The following TBC1D14 variants were observed in gnomAD, a reference collection of about 807,000 sequenced individuals.
TBC1D14 encodes TBC1 domain family member 14, also known as TBC1 domain family, member 14.
TBC1D14 carries 26 observed loss-of-function variants against 79.0 expected under a neutral mutation model. That is an observed-to-expected ratio of 0.33 (90% CI 0.24 to 0.46). TBC1D14 has a LOEUF of 0.46. Among genes scored for constraint, TBC1D14 ranks in the 20% least tolerant of loss-of-function variants. The pLI is 1.00. For synonymous variants in TBC1D14, 394 were observed against 349.9 expected, an observed-to-expected ratio of 1.13 and a Z score of -1.40; for missense variants, 769 against 887.6, an observed-to-expected ratio of 0.87 and a Z score of 1.70.
chr4:7,014,450 G>A lies in TBC1D14; in HGVS notation c.1650G>A (p.Met550Ile). 6.2e-7 allele frequency: 1 copy of A among 1,609,320 alleles called. No homozygotes were observed. Among genetic ancestry groups the A allele is most frequent in the Non-Finnish European group, 8.5e-7 (1 of 1,175,986 alleles). Reference sequence around the variant, plus strand: ...TAAATTTCATATTATCTCCCTAGATGTTGACTTATTTTGCTGCATTTGAAG... The same window carrying A: ...TAAATTTCATATTATCTCCCTAGATATTGACTTATTTTGCTGCATTTGAAG... ...MAFFRVDHGLMLTYFAAFEVF... is the reference protein window; with the variant it reads ...MAFFRVDHGLILTYFAAFEVF... The change falls in exon 12 of 14, where the codon ATG becomes ATA. Residue 550 changes from methionine to isoleucine, a missense_variant and splice_region_variant. Physicochemically the swap from Met to Ile is conservative, Grantham distance 10. This residue lies in a region of TBC1D14 where 367 missense variants were observed against 494.4 expected (regional missense o/e 0.74). Transcript: ENST00000409757.
intron 3 of TBC1D14, among the ~76,000 whole-genome samples, chr4:6,977,927 G>GCAA (rs1319922795): frequency 2.0e-5 from 3 of 150,362 alleles, no homozygotes; most frequent in Admixed American, 6.6e-5. Context: ...TCTCTGCCCG[G>GCAA]CCGCCCCGTC....
At chr4:6,967,535 T>C in intron 3 of TBC1D14, 111 bp downstream of exon 3, 4 of 1,366,238 alleles carry the variant, frequency 2.9e-6, no homozygotes, top group Non-Finnish European at 4.0e-6. Context: ...CGCTTTGTAT[T>C]ATCTGCATAC....
intron 2 of TBC1D14, among the ~76,000 whole-genome samples, chr4:6,967,000 G>A (rs559034488): frequency 1.4e-4 from 21 of 152,134 alleles, no homozygotes; most frequent in African/African-American, 4.3e-4. Context: ...TAGTAGAGAC[G>A]GGGTTTCACC....
rs112863840 is a variant in TBC1D14, at chr4:6,950,078, A to G, written c.723-17226A>G. Among the ~76,000 whole-genome samples the G allele has an allele frequency of 1.3e-3, 201 of 151,860 alleles. 2 individuals carry two copies. The highest frequency in any genetic ancestry group is 4.6e-3 in the African/African-American group (191 of 41,412). On this transcript the variant is annotated intron_variant, in intron 2 of 13. Transcript: ENST00000409757. ...CCTCTCCCCGTGCTCCCCACCTCCAACAGGCCCTGTTGTGTGATGTTCGCT... is the reference window on the plus strand; with the variant it reads ...CCTCTCCCCGTGCTCCCCACCTCCAGCAGGCCCTGTTGTGTGATGTTCGCT...
rs11941016 is a variant in TBC1D14 at position 6,939,854 on chromosome 4, G to C, written c.722+15743G>C. On this transcript the variant is annotated intron_variant, in intron 2 of 13. Coordinates refer to ENST00000409757, the MANE Select transcript of TBC1D14 (RefSeq NM_020773.3). The stretch of plus-strand genomic sequence containing the variant: ...GGGAAAGCAGCATTTGAGCAAAGAT[G>C]TGAGTGGTGTGCGGGTGAAGCGTGT... Among the ~76,000 whole-genome samples the C allele has an allele frequency of 6.2e-3, 937 of 152,318 alleles. 8 individuals are homozygous for C. The highest frequency in any genetic ancestry group is 0.016 in the African/African-American group (652 of 41,562).
chr4:7,024,717 G>C (rs976157660), intron 12 of TBC1D14, among the ~76,000 whole-genome samples: 7 of 152,234 alleles, frequency 4.6e-5, no homozygotes, highest in African/African-American at 1.2e-4. Flanking sequence ...TGCCCCCACA[G>C]CGTGAGCACA....
intron 3 of TBC1D14, among the ~76,000 whole-genome samples, chr4:6,982,332 G>A (rs1440739381): frequency 2.0e-5 from 3 of 152,158 alleles, no homozygotes; most frequent in African/African-American, 4.8e-5. Context: ...TTATCTGAAG[G>A]TAAAAGTCAG....
intron 3 of TBC1D14, among the ~76,000 whole-genome samples, chr4:6,989,684 C>T (rs1276307288): frequency 6.6e-6 from 1 of 152,180 alleles, no homozygotes; most frequent in Non-Finnish European, 1.5e-5. Flanking sequence ...CCGCGTGGTC[C>T]CTTCACAAAT....
intron 3 of TBC1D14, among the ~76,000 whole-genome samples, chr4:6,987,765 C>T (rs1366862229): frequency 1.3e-5 from 2 of 152,194 alleles, no homozygotes; most frequent in African/African-American, 4.8e-5. Flanking sequence ...AGACTGCGCT[C>T]CGAGCTCTAG....
chr4:6,969,704 C>A (rs1371776565), intron 3 of TBC1D14, among the ~76,000 whole-genome samples: 3 of 151,986 alleles, frequency 2.0e-5, no homozygotes, highest in African/African-American at 7.2e-5. Context: ...CATGCCCGGC[C>A]CGACCCTGTT....
intron 5 of TBC1D14, 118 bp downstream of exon 5, chr4:6,996,525 A>G: frequency 1.4e-6 from 1 of 729,028 alleles, no homozygotes; most frequent in South Asian, 1.8e-5. Context: ...TGAAATTTGT[A>G]GTCTTCCAGT....
At chr4:6,926,034 C>G (rs1193312744) in intron 2 of TBC1D14, among the ~76,000 whole-genome samples, 2 of 152,210 alleles carry the variant, frequency 1.3e-5, no homozygotes, top group African/African-American at 4.8e-5. Flanking sequence ...ATGTCCAGCT[C>G]TGTGCCCTTG....
intron 2 of TBC1D14, among the ~76,000 whole-genome samples, chr4:6,930,004 T>C (rs1409386467): frequency 6.6e-6 from 1 of 152,244 alleles, no homozygotes; most frequent in Admixed American, 6.5e-5. Flanking sequence ...CCCTGTCTCT[T>C]GTAACATGTG....
At position 7,001,832 on chromosome 4, in the gene TBC1D14, G is replaced by A. The variant is rs114060540; in HGVS notation, c.1270+581G>A. On this transcript the variant is annotated intron_variant, in intron 7 of 13. Transcript: ENST00000409757. ...AGGTGTCCTGAGCACTCTGAAGCGC[G>A]TCCAGAGTGAAATAGGTGCCAGGAG... Among the ~76,000 whole-genome samples, 666 of 152,234 alleles carry A rather than the reference G, an allele frequency of 4.4e-3. 7 individuals are homozygous for A. The highest frequency in any genetic ancestry group is 0.015 in the African/African-American group (611 of 41,524).
At chr4:7,030,236 T>C (rs1262869308) in intron 13 of TBC1D14, 91 bp from the exon 14 acceptor site, 2 of 1,257,460 alleles carry the variant, frequency 1.6e-6, no homozygotes, top group South Asian at 1.2e-5. Context: ...CGGGGGACCC[T>C]GTTAGGAGGC....
intron 3 of TBC1D14, among the ~76,000 whole-genome samples, chr4:6,981,352 G>A (rs1302582200): frequency 6.6e-6 from 1 of 152,040 alleles, no homozygotes; most frequent in Non-Finnish European, 1.5e-5. Flanking sequence ...AGATGAAACC[G>A]TCCATTTCCT....
intron 3 of TBC1D14, among the ~76,000 whole-genome samples, chr4:6,970,393 C>T (rs1036295740): frequency 1.3e-5 from 2 of 152,236 alleles, no homozygotes; most frequent in African/African-American, 4.8e-5. Context: ...GAGGATTAAA[C>T]GGGTGAATAC....
At chr4:6,930,812 A>T (rs1045939646) in intron 2 of TBC1D14, among the ~76,000 whole-genome samples, 1 of 143,258 alleles carries the variant, frequency 7.0e-6, no homozygotes, top group Non-Finnish European at 1.5e-5. Flanking sequence ...AAAAAAAAAA[A>T]CCTGTGAGGG....
intron 2 of TBC1D14, among the ~76,000 whole-genome samples, chr4:6,954,942 C>T (rs544763971): frequency 2.0e-5 from 3 of 152,354 alleles, no homozygotes; most frequent in African/African-American, 7.2e-5. Context: ...ACTTGAGTAG[C>T]ATTTTCTGAA....
Sources: allele counts gnomAD v4.1 joint callset (sites outside exome capture counted in the v4.1 genomes callset), GRCh38; gene constraint gnomAD v4.1.1; regional missense constraint gnomAD v4.1.1; transcripts MANE v1.5; gene names NCBI Gene and HGNC (gene_info 2026-07-23, HGNC 2026-07-21).